STARD9: variants seen among roughly 807,000 people sequenced by gnomAD.
The protein encoded by STARD9 is stAR-related lipid transfer protein 9.
In STARD9, 346 loss-of-function variants were observed where a neutral mutation model predicts 399.8. The observed-to-expected ratio is 0.87, with a 90% confidence interval of 0.79 to 0.95. The LOEUF (loss-of-function observed/expected upper bound fraction) is 0.95, where lower values mean the gene tolerates loss of function less well. STARD9 is among the 40% of genes least tolerant of loss of function. The pLI is 0.00. For missense variants in STARD9, 5,832 were observed against 5,667.5 expected (o/e 1.03, Z -0.93); for synonymous variants, 2,203 against 2,143.5 (o/e 1.03, Z -0.77).
chr15:42,636,660 G>A (rs899384285), intron 4 of STARD9, among the ~76,000 whole-genome samples: 13 of 152,112 alleles, frequency 8.5e-5, no homozygotes, highest in African/African-American at 3.1e-4. Flanking sequence ...CACTACACAG[G>A]GACATTCTAT....
intron 3 of STARD9, among the ~76,000 whole-genome samples, chr15:42,593,279 A>G (rs1313388106): frequency 6.6e-6 from 1 of 152,078 alleles, no homozygotes; most frequent in Non-Finnish European, 1.5e-5. Flanking sequence ...CCTGGTGAGG[A>G]ACATCTGTTG....
In STARD9 at chr15:42,688,782, G is replaced by A; in HGVS notation, c.7204G>A (p.Glu2402Lys). The change falls in exon 23 of 33, where the codon GAG (glutamate) becomes AAG (lysine). Residue 2402 changes from glutamate to lysine, a missense_variant. By Grantham distance (56) the Glu-to-Lys change is moderately conservative. Coordinates refer to ENST00000290607, the MANE Select transcript of STARD9 (RefSeq NM_020759.3). ...PEGNVRGRSS[E>K]AHTAWCGSVR... ...AGGAAATGTTAGAGGGCGTTCCTCTGAGGCACACACTGCCTGGTGTGGGTC... is the reference window on the plus strand; with the variant it reads ...AGGAAATGTTAGAGGGCGTTCCTCTAAGGCACACACTGCCTGGTGTGGGTC... 1 of 1,537,572 alleles carries A rather than the reference G, an allele frequency of 6.5e-7. No individual in the cohort carries two copies. The highest frequency in any genetic ancestry group is 8.7e-7 in the Non-Finnish European group (1 of 1,146,980).
Position 42,676,083 on chromosome 15 carries a change from G to T in STARD9, c.1874+108G>T. On this transcript the variant is annotated intron_variant, in intron 20 of 32. Coordinates refer to ENST00000290607, the MANE Select transcript of STARD9 (RefSeq NM_020759.3). ...GGGGGTGATTAATGTAGCAGCCAAG[G>T]TCTGAATGAGCCCTTGTCTGAATCA... 1.4e-5 allele frequency: 12 copies of T among 856,296 alleles called. No individual in the cohort carries two copies. The South Asian group carries it at 1.5e-4, about 11-fold the overall frequency. 53.0% of individuals were successfully genotyped at this position (856,296 alleles called of 1,614,324 possible). A position where few individuals can be genotyped will look rare whatever the true frequency, so the allele number is the denominator to read the frequency against.
chr15:42,681,776 A>G (rs2060434188), intron 21 of STARD9, among the ~76,000 whole-genome samples, 164 bp downstream of exon 21: 1 of 152,164 alleles, frequency 6.6e-6, no homozygotes, highest in African/African-American at 2.4e-5. Flanking sequence ...TTATAAGAAG[A>G]GGGCTGGAAG....
chr15:42,657,012 TAAA>T (rs1595717336), intron 9 of STARD9, among the ~76,000 whole-genome samples: 1 of 152,074 alleles, frequency 6.6e-6, no homozygotes, highest in African/African-American at 2.4e-5. Context: ...TTGAAATTTT[TAAA>T]AAAGTAAGCA....
intron 2 of STARD9, among the ~76,000 whole-genome samples, chr15:42,585,161 C>G (rs1265052850): frequency 6.6e-6 from 1 of 151,940 alleles, no homozygotes; most frequent in Admixed American, 6.6e-5. Context: ...AATCTGAAAT[C>G]CAAAAAATTC....
chr15:42,609,360 T>G (rs1056352953), intron 3 of STARD9, among the ~76,000 whole-genome samples: 1 of 152,194 alleles, frequency 6.6e-6, no homozygotes, highest in African/African-American at 2.4e-5. Flanking sequence ...AACACACTTC[T>G]GCAGAAGAGA....
At chr15:42,635,214 C>T (rs539303293) in intron 4 of STARD9, among the ~76,000 whole-genome samples, 3 of 145,908 alleles carry the variant, frequency 2.1e-5, no homozygotes, top group East Asian at 2.2e-4. Context: ...GAACTGAGAT[C>T]GTGCCATTGC....
At position 42,719,661 on chromosome 15, in the gene STARD9, C is replaced by T. The variant is rs1305512419; in HGVS notation, c.*87C>T. On this transcript the variant is annotated 3_prime_UTR_variant, in exon 33 of 33. Coordinates refer to ENST00000290607, the MANE Select transcript of STARD9 (RefSeq NM_020759.3). ...TGGCAGCTCCTTGTTACTTTCCATA[C>T]CACAGTGCAGGAAAAGCTGATGCTA... 1.1e-6 allele frequency: 1 copy of T among 875,786 alleles called. No individual in the cohort carries two copies. The highest frequency in any genetic ancestry group is 1.8e-6 in the Non-Finnish European group (1 of 563,920). 54.3% of individuals were successfully genotyped at this position (875,786 alleles called of 1,614,324 possible). A position where few individuals can be genotyped will look rare whatever the true frequency, so the allele number is the denominator to read the frequency against.
chr15:42,678,587 T>C (rs1276167281), intron 20 of STARD9, among the ~76,000 whole-genome samples: 1 of 152,176 alleles, frequency 6.6e-6, no homozygotes, highest in East Asian at 1.9e-4. Context: ...CCGCTGCCAC[T>C]GCGGCTTTAG....
chr15:42,673,186 G>A (rs1482209889), intron 16 of STARD9: 1 of 152,170 alleles, frequency 6.6e-6, no homozygotes, highest in East Asian at 1.9e-4. Context: ...CGGATCGCCT[G>A]AGGTCAGGAG....
intron 20 of STARD9, among the ~76,000 whole-genome samples, chr15:42,680,903 T>A (rs897612800): frequency 1.3e-5 from 2 of 152,128 alleles, no homozygotes; most frequent in Non-Finnish European, 2.9e-5. Flanking sequence ...AGGCGTGGTG[T>A]GTGTATAAAT....
At position 42,690,451 on chromosome 15, in the gene STARD9, G is replaced by C; in HGVS notation, c.8873G>C (p.Ser2958Thr). 6.5e-7 allele frequency: 1 copy of C among 1,537,230 alleles called. No individual in the cohort carries two copies. The highest frequency in any genetic ancestry group is 8.7e-7 in the Non-Finnish European group (1 of 1,146,914). ...SRTLPCRQPC[S>T]SQPVATHAYS... The stretch of plus-strand genomic sequence containing the variant: ...ACTCTTCCTTGCCGACAGCCATGCA[G>C]TTCTCAACCTGTTGCTACTCATGCT... The change falls in exon 23 of 33, where the codon AGT becomes ACT. Residue 2958 changes from serine to threonine, a missense_variant. By Grantham distance (58) the Ser-to-Thr change is moderately conservative. Around this residue, in one of 2 missense-constraint regions of STARD9, gnomAD observed 5,828 missense variants for 5,651.1 expected, o/e 1.03. Transcript: ENST00000290607.
chr15:42,614,184 G>A (rs1286440753), intron 3 of STARD9, among the ~76,000 whole-genome samples: 1 of 151,532 alleles, frequency 6.6e-6, no homozygotes, highest in African/African-American at 2.4e-5. Context: ...GGTGGTGGGC[G>A]CCTGTACTCC....
At position 42,692,647 on chromosome 15, in the gene STARD9, G is replaced by A. The variant is rs1177884233; in HGVS notation, c.11069G>A (p.Ser3690Asn). 3 of 1,537,178 alleles carry A rather than the reference G, an allele frequency of 2.0e-6. No homozygotes were observed. The highest frequency in any genetic ancestry group is 2.4e-5 in the East Asian group (1 of 40,906). Residue 3690 changes from serine (S) to asparagine (N), a missense_variant, in exon 23 of 33, where the codon AGT (serine) becomes AAT (asparagine). This residue lies in a region of STARD9 where 5,828 missense variants were observed against 5,651.1 expected (regional missense o/e 1.03). Coordinates refer to ENST00000290607, the MANE Select transcript of STARD9 (RefSeq NM_020759.3). ...LSLHLSQLLH[S>N]TSELLGSLSQ... The stretch of plus-strand genomic sequence containing the variant: ...CTCCACCTCTCACAGCTCCTGCACA[G>A]TACCTCAGAGCTGCTTGGGAGTCTC...
chr15:42,675,107 GATCCTATTCCCATAAAC>G (rs1280918181), intron 18 of STARD9, 143 bp downstream of exon 18: 47 of 913,130 alleles, frequency 5.1e-5, no homozygotes, highest in Non-Finnish European at 6.9e-5. Context: ...TTTCTAATAT[GATCCTATTCCCATAAAC>G]AAGCCTTAAT....
rs1430636449 is a variant in STARD9 at position 42,687,700 on chromosome 15, T to C, written c.6122T>C (p.Val2041Ala). The C allele has an allele frequency of 6.5e-7, 1 of 1,536,350 alleles. No homozygotes were observed. The highest frequency in any genetic ancestry group is 8.7e-7 in the Non-Finnish European group (1 of 1,146,658). ...EPSGKKQNKR[V>A]NNTDEMARLI... The stretch of plus-strand genomic sequence containing the variant: ...TCTGGAAAGAAACAGAATAAAAGAG[T>C]TAATAATACTGATGAAATGGCTAGG... The change falls in exon 23 of 33, where the codon GTT becomes GCT. Residue 2041 changes from valine to alanine, a missense_variant. This residue lies in a region of STARD9 where 5,828 missense variants were observed against 5,651.1 expected (regional missense o/e 1.03). Coordinates refer to ENST00000290607, the MANE Select transcript of STARD9 (RefSeq NM_020759.3).
chr15:42,694,322 C>T lies in STARD9; in HGVS notation c.12744C>T (p.Thr4248=), dbSNP rs2060789854. ...ALAADEPVTS[T]WKELYARQKK... is the part of the protein sequence containing the mutation. The stretch of plus-strand genomic sequence containing the variant: ...CTGCTGATGAACCTGTGACATCCAC[C>T]TGGAAGGAGCTCTATGCACGGTAAG... Residue 4248 remains threonine, a synonymous_variant, in exon 23 of 33, where the codon ACC becomes ACT. Coordinates refer to ENST00000290607, the MANE Select transcript of STARD9 (RefSeq NM_020759.3). The T allele has an allele frequency of 6.6e-7, 1 of 1,521,758 alleles. No homozygotes were observed. The highest frequency in any genetic ancestry group is 8.8e-7 in the Non-Finnish European group (1 of 1,138,190). The allele number at this position is 1,521,758 out of a possible 1,614,324, so 94.3% of individuals were successfully genotyped here.
intron 14 of STARD9, 131 bp downstream of exon 14, chr15:42,665,461 C>T: frequency 2.7e-6 from 2 of 742,468 alleles, no homozygotes; most frequent in Non-Finnish European, 4.4e-6. Flanking sequence ...GAGACAGGAG[C>T]AAAGACAAAA....
Sources: gnomAD v4.1 joint callset for allele counts (sites outside exome capture counted in the v4.1 genomes callset) on GRCh38, gnomAD v4.1.1 for gene constraint, gnomAD v4.1.1 regional missense constraint, MANE v1.5 for transcripts, NCBI Gene and HGNC (gene_info 2026-07-23, HGNC 2026-07-21) for gene names.